Variants in NPAS2 observed in about 807,000 individuals in gnomAD.
NPAS2 encodes the protein neuronal PAS domain protein 2, also known as neuronal PAS domain-containing protein 2.
In NPAS2, 23 loss-of-function variants were observed where a neutral mutation model predicts 107.5. The ratio of observed to expected loss-of-function variants is 0.21; its 90% confidence interval spans 0.15 to 0.30. The LOEUF (loss-of-function observed/expected upper bound fraction) is 0.30. Among genes scored for constraint, NPAS2 ranks in the 10% least tolerant of loss-of-function variants. NPAS2 has a pLI of 1.00. For synonymous variants in NPAS2, 403 were observed against 417.5 expected (o/e 0.97, Z 0.42); for missense variants, 756 against 1,043.3 (o/e 0.72, Z 3.79).
At chr2:100,987,988 A>G in intron 16 of NPAS2, 91 bp from the exon 17 acceptor site, 1 of 1,380,110 alleles carries the variant, frequency 7.2e-7, no homozygotes, top group Non-Finnish European at 1.0e-6. Context: ...AGAGCAAGAA[A>G]GTTCTTACTG....
chr2:100,842,081 G>GCGTGCGCGCGCACACACACACACACACA, intron 1 of NPAS2, among the ~76,000 whole-genome samples: 1 of 148,798 alleles, frequency 6.7e-6, no homozygotes, highest in Non-Finnish European at 1.5e-5. Context: ...GCATGTACGC[G>GCGTGCGCGCGCACACACACACACACACA]CACACACACA....
chr2:100,936,126 G>A (rs922376512), intron 4 of NPAS2, among the ~76,000 whole-genome samples: 10 of 152,128 alleles, frequency 6.6e-5, no homozygotes, highest in East Asian at 3.9e-4. Context: ...ACCAGCTGTC[G>A]GTGTAAAATA....
chr2:100,889,557 G>A (rs1287229657), intron 1 of NPAS2, among the ~76,000 whole-genome samples: 1 of 152,154 alleles, frequency 6.6e-6, no homozygotes, highest in Non-Finnish European at 1.5e-5. Context: ...TTTGATCCAT[G>A]CACACATTTT....
At chr2:100,827,784 C>T (rs1676477754) in intron 1 of NPAS2, among the ~76,000 whole-genome samples, 1 of 152,146 alleles carries the variant, frequency 6.6e-6, no homozygotes, top group Non-Finnish European at 1.5e-5. Context: ...ATCCAGTTCA[C>T]TGTTGATGGG....
chr2:100,918,337 G>A (rs1248376762), intron 2 of NPAS2, among the ~76,000 whole-genome samples: 4 of 152,070 alleles, frequency 2.6e-5, no homozygotes, highest in Non-Finnish European at 4.4e-5. Context: ...AGTCTATAAG[G>A]TTAGGCAAAG....
At chr2:100,983,306 G>A (rs1318070424) in intron 16 of NPAS2, 2 of 152,412 alleles carry the variant, frequency 1.3e-5, no homozygotes, top group Non-Finnish European at 2.9e-5. Context: ...TACCATAGGT[G>A]ACAGGCGGGT....
intron 1 of NPAS2, among the ~76,000 whole-genome samples, chr2:100,892,095 A>G (rs1249998028): frequency 6.6e-6 from 1 of 152,206 alleles, no homozygotes; most frequent in African/African-American, 2.4e-5. Context: ...TCAGGTTTAC[A>G]CTGTGCCATC....
At chr2:100,945,460 C>A (rs901710282) in intron 5 of NPAS2, among the ~76,000 whole-genome samples, 5 of 152,240 alleles carry the variant, frequency 3.3e-5, no homozygotes, top group African/African-American at 1.2e-4. Flanking sequence ...GGGACCCTGG[C>A]CATTGCCAGC....
chr2:100,988,401 T>C, intron 17 of NPAS2, 125 bp downstream of exon 17: 2 of 786,052 alleles, frequency 2.5e-6, no homozygotes, highest in Non-Finnish European at 4.1e-6. Flanking sequence ...CGTTATGGAC[T>C]GAGGGTAGAT....
intron 1 of NPAS2, among the ~76,000 whole-genome samples, chr2:100,852,551 C>T (rs1003856605): frequency 6.6e-6 from 1 of 152,160 alleles, no homozygotes; most frequent in African/African-American, 2.4e-5. Context: ...AATGCAGGGA[C>T]CCCTGGCTAG....
chr2:100,844,535 A>G (rs1677649211), intron 1 of NPAS2, among the ~76,000 whole-genome samples: 1 of 152,166 alleles, frequency 6.6e-6, no homozygotes, highest in South Asian at 2.1e-4. Context: ...TGCAGGTATA[A>G]AAGGTGTAGG....
At chr2:100,858,687 G>C (rs1444944873) in intron 1 of NPAS2, among the ~76,000 whole-genome samples, 1 of 152,180 alleles carries the variant, frequency 6.6e-6, no homozygotes. Flanking sequence ...ATAGGTCCCA[G>C]TGTGACTATT....
At chr2:100,970,874 T>G in intron 11 of NPAS2, 116 bp from the exon 12 acceptor site, 1 of 794,660 alleles carries the variant, frequency 1.3e-6, no homozygotes, top group African/African-American at 1.7e-5. Context: ...GTGTTGACTG[T>G]TGTGGGGGGC....
chr2:100,827,829 C>G (rs1676481688), intron 1 of NPAS2, among the ~76,000 whole-genome samples: 1 of 152,030 alleles, frequency 6.6e-6, no homozygotes, highest in Non-Finnish European at 1.5e-5. Flanking sequence ...TAGACATGGA[C>G]ATGGAATCAC....
chr2:100,991,702 C>T (rs760093785), intron 19 of NPAS2, among the ~76,000 whole-genome samples: 4 of 152,152 alleles, frequency 2.6e-5, no homozygotes, highest in Non-Finnish European at 4.4e-5. Context: ...AATTTTATCC[C>T]GATAAAAACC....
intron 5 of NPAS2, among the ~76,000 whole-genome samples, chr2:100,943,567 G>C (rs1674710862): frequency 6.6e-6 from 1 of 152,232 alleles, no homozygotes; most frequent in African/African-American, 2.4e-5. Context: ...TCACAGCCCA[G>C]ATGAGGACCA....
intron 5 of NPAS2, among the ~76,000 whole-genome samples, chr2:100,946,451 A>G (rs1674903448): frequency 6.6e-6 from 1 of 152,196 alleles, no homozygotes; most frequent in African/African-American, 2.4e-5. Flanking sequence ...GGGAGGGTGC[A>G]GCATGTTCCT....
At chr2:100,873,307 T>TATACACACAC (rs1280164445) in intron 1 of NPAS2, among the ~76,000 whole-genome samples, 19 of 41,898 alleles carry the variant, frequency 4.5e-4, no homozygotes, top group East Asian at 3.7e-3. Flanking sequence ...TATATATATA[T>TATACACACAC]ACACACACAC....
At chr2:100,833,724 A>G (rs900845103) in intron 1 of NPAS2, among the ~76,000 whole-genome samples, 3 of 152,206 alleles carry the variant, frequency 2.0e-5, no homozygotes, top group African/African-American at 7.2e-5. Context: ...ATGGATTCTG[A>G]AATTTTTATG....
Sources: allele counts gnomAD v4.1 joint callset (sites outside exome capture counted in the v4.1 genomes callset), GRCh38; gene constraint gnomAD v4.1.1; transcripts MANE v1.5; gene names NCBI Gene and HGNC (gene_info 2026-07-23, HGNC 2026-07-21).